HIBCH: variants seen among roughly 807,000 people sequenced by gnomAD.
HIBCH encodes the protein 3-hydroxyisobutyryl-CoA hydrolase, also known as 3-hydroxyisobutyryl-CoA hydrolase, mitochondrial.
Under a neutral mutation model 58.2 loss-of-function variants are expected in HIBCH, and 50 were observed. The observed-to-expected ratio is 0.86, with a 90% CI of 0.68 to 1.09. The LOEUF is 1.09. HIBCH is among the 50% of genes least tolerant of loss of function. The probability of loss-of-function intolerance (pLI) is 0.00; values close to 1 mark genes in which losing one functional copy is unlikely to be tolerated. For synonymous variants in HIBCH, 151 were observed against 146.9 expected (o/e 1.03, Z -0.20); for missense variants, 450 against 449.7 (o/e 1.00, Z -0.01).
chr2:190,246,082 TATA>T (rs1354813936), intron 10 of HIBCH, 69 bp downstream of exon 10: 2 of 877,748 alleles, frequency 2.3e-6, no homozygotes, highest in Non-Finnish European at 3.8e-6. Flanking sequence ...AAATGGTAAT[TATA>T]ATGTTAGCAA....
intron 2 of HIBCH, among the ~76,000 whole-genome samples, chr2:190,309,467 G>A (rs1043271136): frequency 6.6e-6 from 1 of 151,820 alleles, no homozygotes; most frequent in Non-Finnish European, 1.5e-5. Flanking sequence ...CTTATAATCT[G>A]ATAAACTTTG....
intron 7 of HIBCH, among the ~76,000 whole-genome samples, chr2:190,259,636 T>C (rs938863585): frequency 6.6e-6 from 1 of 152,226 alleles, no homozygotes; most frequent in Non-Finnish European, 1.5e-5. Context: ...TGAAATTGTT[T>C]TCTTATTTTT....
At chr2:190,290,714 T>C (rs1379097441) in intron 4 of HIBCH, among the ~76,000 whole-genome samples, 1 of 152,224 alleles carries the variant, frequency 6.6e-6, no homozygotes, top group Admixed American at 6.5e-5. Context: ...CCATGCTTCT[T>C]ACAAAATGTT....
Position 190,204,192 on chromosome 2 carries a change from G to A in HIBCH, c.*925C>T, listed in dbSNP as rs1690332049. 1 of 151,748 alleles carries A rather than the reference G, an allele frequency of 6.6e-6. No individual in the cohort carries two copies. The highest frequency in any genetic ancestry group is 1.5e-5 in the Non-Finnish European group (1 of 67,864). 9.4% of individuals were successfully genotyped at this position (151,748 alleles called of 1,614,324 possible). On this transcript the variant is annotated 3_prime_UTR_variant, in exon 14 of 14. Transcript: ENST00000359678. ...TACTTCATTAACAATATCAATTATTGAATATATCTTTTGAACAAAAGTCTT... is the reference window on the plus strand; with the variant it reads ...TACTTCATTAACAATATCAATTATTAAATATATCTTTTGAACAAAAGTCTT...
At chr2:190,284,391 T>A (rs921377005) in intron 6 of HIBCH, among the ~76,000 whole-genome samples, 2 of 152,028 alleles carry the variant, frequency 1.3e-5, no homozygotes, top group South Asian at 2.1e-4. Context: ...AAAAAAAAAA[T>A]GGAAGTTCTG....
intron 13 of HIBCH, 62 bp from the exon 14 acceptor site, chr2:190,205,294 T>G: frequency 4.2e-6 from 4 of 944,886 alleles, no homozygotes; most frequent in Non-Finnish European, 6.8e-6. Context: ...TAGATTTTAC[T>G]TACTGAATTG....
intron 5 of HIBCH, among the ~76,000 whole-genome samples, chr2:190,288,891 C>T (rs1687895910): frequency 6.6e-6 from 1 of 152,140 alleles, no homozygotes; most frequent in Admixed American, 6.5e-5. Flanking sequence ...GCAGATGGAT[C>T]ACCTAGGGTC....
In HIBCH at chr2:190,319,754, C is replaced by G. The variant is rs1454084228; in HGVS notation, c.-4G>C. ...TCCACATCTCGCGCTGCCCCATCGC[C>G]AAACACTCCGAAGCTAAAGCAGCAG... On this transcript the variant is annotated 5_prime_UTR_variant, in exon 1 of 14. Transcript: ENST00000359678. The G allele has an allele frequency of 1.2e-6, 2 of 1,611,702 alleles. No homozygotes were observed. The highest frequency in any genetic ancestry group is 2.7e-5 in the African/African-American group (2 of 75,028).
intron 11 of HIBCH, 48 bp from the exon 12 acceptor site, chr2:190,213,123 T>TATA: frequency 7.1e-7 from 1 of 1,409,546 alleles, no homozygotes; most frequent in Non-Finnish European, 1.0e-6. Context: ...GTTCCTTTAT[T>TATA]GTCTATAATA....
In HIBCH at chr2:190,194,475, TATACACAC is replaced by T. The variant is rs1311477583; in HGVS notation, c.*18-4486_*18-4479del. 1.2e-3 allele frequency among the ~76,000 whole-genome samples: 158 copies of T among 126,912 alleles called. 1 individual carries two copies. Among genetic ancestry groups the T allele is most frequent in the African/African-American group, 5.0e-3 (148 of 29,676 alleles). The allele number at this position is 126,912 out of a possible 152,430, so 83.3% of individuals were successfully genotyped here. On this transcript the variant is annotated intron_variant, in intron 1 of 1. Transcript: ENST00000399855. ...AAGTAGTGTTCCCACGTATCCTGTG[TATACACAC>T]ACACACACACACACACACACACACA...
At chr2:190,234,979 AC>A (rs1337071589) in intron 11 of HIBCH, among the ~76,000 whole-genome samples, 7 of 152,254 alleles carry the variant, frequency 4.6e-5, no homozygotes, top group Non-Finnish European at 1.0e-4. Context: ...GCAGACTGCC[AC>A]AATTACTACT....
Position 190,233,685 on chromosome 2 carries a change from G to A in HIBCH, c.891+11202C>T, listed in dbSNP as rs150595357. 2.7e-3 allele frequency among the ~76,000 whole-genome samples: 412 copies of A among 152,300 alleles called. 1 individual carries two copies. The highest frequency in any genetic ancestry group is 3.2e-3 in the Non-Finnish European group (217 of 68,030). On this transcript the variant is annotated intron_variant, in intron 11 of 13. Transcript: ENST00000359678. ...TATCAGACAAAGGATTTACATCCAG[G>A]AGGATTCCTACAAATTAATCATAAA...
intron 7 of HIBCH, among the ~76,000 whole-genome samples, chr2:190,253,638 A>AACACAAAAT (rs897322628): frequency 1.3e-5 from 2 of 152,116 alleles, no homozygotes; most frequent in Non-Finnish European, 2.9e-5. Context: ...ACAATAGCCA[A>AACACAAAAT]AGTGATCTTT....
intron 8 of HIBCH, 147 bp downstream of exon 8, chr2:190,252,015 G>T: frequency 1.4e-6 from 1 of 700,540 alleles, no homozygotes; most frequent in Non-Finnish European, 2.5e-6. Flanking sequence ...CTTTCTCCAA[G>T]GTAACACAGC....
rs923900086 is a variant in HIBCH at position 190,209,703 on chromosome 2, A to C, written c.1012-790T>G. Among the ~76,000 whole-genome samples, 4 of 152,176 alleles carry C rather than the reference A, an allele frequency of 2.6e-5. No individual in the cohort carries two copies. The highest frequency in any genetic ancestry group is 9.7e-5 in the African/African-American group (4 of 41,438). Reference sequence around the variant, plus strand: ...TTTTCAAAGACCAGTCCTCCCTTGCATTCCAATTCACATCCCCTCTTGCCT... The same window carrying C: ...TTTTCAAAGACCAGTCCTCCCTTGCCTTCCAATTCACATCCCCTCTTGCCT... On this transcript the variant is annotated intron_variant, in intron 12 of 13. Coordinates refer to ENST00000359678, the MANE Select transcript of HIBCH (RefSeq NM_014362.4). This position sits in a 1 kb window ranked among gnomAD's most constrained non-coding sequence, Gnocchi z 5.6.
At chr2:190,238,496 C>A (rs1371459349) in intron 11 of HIBCH, among the ~76,000 whole-genome samples, 1 of 152,138 alleles carries the variant, frequency 6.6e-6, no homozygotes, top group African/African-American at 2.4e-5. Flanking sequence ...TGGAGTCTTG[C>A]TCTTGTCACC....
intron 11 of HIBCH, among the ~76,000 whole-genome samples, chr2:190,232,776 G>GTGAA (rs1686145696): frequency 6.6e-6 from 1 of 152,042 alleles, no homozygotes; most frequent in Non-Finnish European, 1.5e-5. Flanking sequence ...GGCTAACATG[G>GTGAA]TGAAAACCCA....
chr2:190,239,261 A>G (rs1352052636), intron 11 of HIBCH, among the ~76,000 whole-genome samples: 2 of 152,162 alleles, frequency 1.3e-5, no homozygotes, highest in African/African-American at 4.8e-5. Flanking sequence ...TTTGTCAAAG[A>G]TCAGATGGTT....
At chr2:190,192,562 A>G (rs1689766679) in intron 1 of HIBCH, among the ~76,000 whole-genome samples, 1 of 151,844 alleles carries the variant, frequency 6.6e-6, no homozygotes, top group Admixed American at 6.6e-5. Flanking sequence ...CCATTTGTCA[A>G]TGTCTACAGA....
Sources: gnomAD v4.1 joint callset for allele counts (sites outside exome capture counted in the v4.1 genomes callset) on GRCh38, gnomAD v4.1.1 for gene constraint, Gnocchi (gnomAD v3.1) non-coding constraint, MANE v1.5 for transcripts, NCBI Gene and HGNC (gene_info 2026-07-23, HGNC 2026-07-21) for gene names.